IMPG1: variants seen among roughly 807,000 people sequenced by gnomAD.
IMPG1 encodes the protein interphotoreceptor matrix proteoglycan of 150 kDa.
A neutral mutation model predicts 92.0 loss-of-function variants in IMPG1; 85 were observed. That is an observed-to-expected ratio of 0.92 (90% CI 0.78 to 1.11). IMPG1 has a LOEUF of 1.11. Ranked by LOEUF, IMPG1 falls within the 50% of genes least tolerant of loss-of-function variation. The pLI is 0.00. For synonymous variants in IMPG1, 367 were observed against 334.1 expected (o/e 1.10, Z -1.08); for missense variants, 1,022 against 956.0 (o/e 1.07, Z -0.91).
intron 7 of IMPG1, among the ~76,000 whole-genome samples, chr6:76,013,933 A>G (rs1457388881): frequency 2.0e-5 from 3 of 152,212 alleles, no homozygotes; most frequent in Non-Finnish European, 2.9e-5. Context: ...AATTATATAC[A>G]TATTTTTTGT....
chr6:75,984,973 G>A (rs1782689455), intron 12 of IMPG1, among the ~76,000 whole-genome samples: 1 of 152,168 alleles, frequency 6.6e-6, no homozygotes, highest in Admixed American at 6.5e-5. Flanking sequence ...TGTACAGCCT[G>A]CAGAACGGCA....
intron 15 of IMPG1, among the ~76,000 whole-genome samples, chr6:75,924,515 TATA>T (rs1781491779): frequency 1.3e-5 from 1 of 76,976 alleles, no homozygotes; most frequent in African/African-American, 4.9e-5. Context: ...ATATAATTAA[TATA>T]ATTATATATT....
intron 4 of IMPG1, among the ~76,000 whole-genome samples, chr6:76,033,183 A>G (rs573320851): frequency 6.6e-6 from 1 of 152,324 alleles, no homozygotes; most frequent in African/African-American, 2.4e-5. Flanking sequence ...TCAGGCAGGA[A>G]CTGAGCTGAA....
intron 1 of IMPG1, among the ~76,000 whole-genome samples, chr6:76,066,044 C>T (rs1282082986): frequency 6.6e-6 from 1 of 152,046 alleles, no homozygotes; most frequent in Non-Finnish European, 1.5e-5. Flanking sequence ...TTTGTCACCT[C>T]TAGACCACCC....
intron 6 of IMPG1, among the ~76,000 whole-genome samples, chr6:76,020,958 G>C (rs1316123810): frequency 1.3e-5 from 2 of 152,292 alleles, no homozygotes; most frequent in East Asian, 3.9e-4. Flanking sequence ...TCCTTTGTGG[G>C]TAAAAATTTG....
intron 1 of IMPG1, among the ~76,000 whole-genome samples, chr6:76,070,903 C>T (rs1189845342): frequency 6.6e-6 from 1 of 151,778 alleles, no homozygotes; most frequent in Non-Finnish European, 1.5e-5. Flanking sequence ...ACACTAAAGC[C>T]CAGATTTCAC....
At position 75,981,070 on chromosome 6, in the gene IMPG1, G is replaced by A. The variant is rs181519586; in HGVS notation, c.1291+21848C>T. Among the ~76,000 whole-genome samples the A allele has an allele frequency of 2.0e-4, 30 of 152,282 alleles. No individual in the cohort carries two copies. In the East Asian group the frequency reaches 4.6e-3, roughly 24 times the overall value. On this transcript the variant is annotated intron_variant, in intron 12 of 16. Coordinates refer to ENST00000369950, the MANE Select transcript of IMPG1 (RefSeq NM_001563.4). ...GGGAAATTTAGTGATGAAGCACTGC[G>A]ATGCAGCCCTGGTCCTGATCTGCCC...
At chr6:75,971,485 C>T (rs1782415313) in intron 12 of IMPG1, among the ~76,000 whole-genome samples, 1 of 152,090 alleles carries the variant, frequency 6.6e-6, no homozygotes, top group Non-Finnish European at 1.5e-5. Flanking sequence ...AAAAAAAAAT[C>T]ATCTCTACTT....
chr6:76,034,863 G>T, intron 2 of IMPG1, 76 bp from the exon 3 acceptor site: 1 of 1,256,166 alleles, frequency 8.0e-7, no homozygotes, highest in Non-Finnish European at 1.1e-6. Context: ...CTAATAACAT[G>T]GAAAATTATT....
At chr6:75,971,299 C>T (rs557345650) in intron 12 of IMPG1, among the ~76,000 whole-genome samples, 4 of 138,098 alleles carry the variant, frequency 2.9e-5, no homozygotes, top group Admixed American at 8.2e-5. Flanking sequence ...AGGGGAACAT[C>T]ACACACCAGG....
chr6:76,003,115 C>A, intron 11 of IMPG1, 119 bp from the exon 12 acceptor site: 1 of 694,720 alleles, frequency 1.4e-6, no homozygotes, highest in Non-Finnish European at 2.6e-6. Context: ...TTGTTGTTGA[C>A]TTGAATCTAC....
chr6:75,996,209 T>C (rs963116270), intron 12 of IMPG1, among the ~76,000 whole-genome samples: 1 of 152,118 alleles, frequency 6.6e-6, no homozygotes, highest in Non-Finnish European at 1.5e-5. Flanking sequence ...ACTAGTGGCA[T>C]ATGGGGCAAA....
At chr6:76,070,383 C>T (rs921525416) in intron 1 of IMPG1, among the ~76,000 whole-genome samples, 5 of 152,042 alleles carry the variant, frequency 3.3e-5, no homozygotes, top group African/African-American at 7.2e-5. Flanking sequence ...GAAATTAGTA[C>T]GACCTCTATG....
chr6:76,056,669 T>C (rs943022458), intron 1 of IMPG1, among the ~76,000 whole-genome samples: 1 of 152,184 alleles, frequency 6.6e-6, no homozygotes, highest in Non-Finnish European at 1.5e-5. Context: ...AAGGTTCCCT[T>C]TTCTCCACAA....
At chr6:75,963,638 C>A (rs1233156309) in intron 12 of IMPG1, among the ~76,000 whole-genome samples, 1 of 152,148 alleles carries the variant, frequency 6.6e-6, no homozygotes, top group Admixed American at 6.5e-5. Context: ...TTGCAGCAAA[C>A]AAGGGAATGC....
At chr6:76,065,794 A>G (rs1397910838) in intron 1 of IMPG1, among the ~76,000 whole-genome samples, 1 of 152,160 alleles carries the variant, frequency 6.6e-6, no homozygotes, top group Non-Finnish European at 1.5e-5. Context: ...ATCCAAAATC[A>G]GTGTGAAGAA....
intron 1 of IMPG1, among the ~76,000 whole-genome samples, chr6:76,071,133 T>C (rs1020046130): frequency 1.3e-5 from 2 of 148,464 alleles, no homozygotes; most frequent in East Asian, 1.9e-4. Context: ...GTATATGTAA[T>C]ACATTAGAAT....
chr6:75,994,578 A>G (rs2149474281), intron 12 of IMPG1, among the ~76,000 whole-genome samples: 1 of 152,328 alleles, frequency 6.6e-6, no homozygotes, highest in African/African-American at 2.4e-5. Context: ...CACGTCTTAC[A>G]TGGATGACAG....
chr6:75,921,891 A>G lies in IMPG1; in HGVS notation c.*198T>C, dbSNP rs371080514. On this transcript the variant is annotated 3_prime_UTR_variant, in exon 17 of 17. Transcript: ENST00000369950. ...TGCATTTGGGGTTTTAATAATAAGT[A>G]AGTGTCTTTTTCTTCAGAATTTACT... 1.2e-5 allele frequency: 5 copies of G among 419,464 alleles called. No homozygotes were observed. The highest frequency in any genetic ancestry group is 8.3e-5 in the African/African-American group (4 of 48,120). The allele number at this position is 419,464 out of a possible 1,614,324, so 26.0% of individuals were successfully genotyped here.
Sources: gnomAD v4.1 joint callset for allele counts (sites outside exome capture counted in the v4.1 genomes callset) on GRCh38, gnomAD v4.1.1 for gene constraint, MANE v1.5 for transcripts, NCBI Gene and HGNC (gene_info 2026-07-23, HGNC 2026-07-21) for gene names.